The following SYN3 variants were observed in gnomAD, a reference collection of about 807,000 sequenced individuals.
SYN3 encodes synapsin-3.
A neutral mutation model predicts 65.8 loss-of-function variants in SYN3; 35 were observed. The observed-to-expected ratio is 0.53, with a 90% confidence interval of 0.41 to 0.70. The LOEUF (loss-of-function observed/expected upper bound fraction) is 0.70. Ranked by LOEUF, SYN3 falls within the 30% of genes least tolerant of loss-of-function variation. The probability of loss-of-function intolerance (pLI) is 0.00; values close to 1 mark genes in which losing one functional copy is unlikely to be tolerated. For synonymous variants in SYN3, 270 were observed against 292.9 expected (o/e 0.92, Z 0.80); for missense variants, 680 against 749.0 (o/e 0.91, Z 1.08).
chr22:33,048,952 GACA>G (rs1230177110), intron 1 of SYN3, among the ~76,000 whole-genome samples: 1 of 152,188 alleles, frequency 6.6e-6, no homozygotes, highest in Non-Finnish European at 1.5e-5. Flanking sequence ...TGAAGATGCA[GACA>G]ACTTCTTTTT....
intron 2 of SYN3, among the ~76,000 whole-genome samples, chr22:32,997,619 AC>A (rs1250063379): frequency 6.6e-6 from 1 of 152,220 alleles, no homozygotes; most frequent in East Asian, 1.9e-4. Flanking sequence ...GGATGGGGGA[AC>A]AAAAAGCCCT....
At chr22:32,562,947 G>C (rs1448137875) in intron 7 of SYN3, among the ~76,000 whole-genome samples, 1 of 152,234 alleles carries the variant, frequency 6.6e-6, no homozygotes, top group Non-Finnish European at 1.5e-5. Context: ...GCTGGGAAGA[G>C]ACCTCACTGG....
At chr22:32,680,820 C>T (rs2060512463) in intron 6 of SYN3, among the ~76,000 whole-genome samples, 1 of 152,210 alleles carries the variant, frequency 6.6e-6, no homozygotes, top group Non-Finnish European at 1.5e-5. Flanking sequence ...AGTTTTTCCT[C>T]TCTCTTGAGG....
At chr22:32,734,912 T>C (rs9621546) in intron 6 of SYN3, among the ~76,000 whole-genome samples, 5,332 of 152,316 alleles carry the variant, frequency 0.035, 177 homozygotes, top group African/African-American at 0.079. Flanking sequence ...ATCCATTCTA[T>C]TCTCCTTCTA....
At chr22:32,580,847 T>C (rs569294034) in intron 7 of SYN3, among the ~76,000 whole-genome samples, 57 of 152,314 alleles carry the variant, frequency 3.7e-4, no homozygotes, top group Non-Finnish European at 6.9e-4. Flanking sequence ...AAAACTTTGA[T>C]GACCCTTGCC....
chr22:32,922,409 C>G (rs2050358114), intron 4 of SYN3, among the ~76,000 whole-genome samples: 1 of 152,152 alleles, frequency 6.6e-6, no homozygotes, highest in Admixed American at 6.5e-5. Flanking sequence ...TGAGTTAATT[C>G]ATGTTAAGTG....
At chr22:32,943,355 A>G (rs1355313457) in intron 3 of SYN3, among the ~76,000 whole-genome samples, 1 of 152,208 alleles carries the variant, frequency 6.6e-6, no homozygotes, top group Non-Finnish European at 1.5e-5. Flanking sequence ...TAAGCTTCAT[A>G]AGTGAAGGAG....
At chr22:32,859,094 C>G in intron 6 of SYN3, 2 of 1,390,416 alleles carry the variant, frequency 1.4e-6, no homozygotes, top group Non-Finnish European at 2.0e-6. Context: ...TGCAGTGGCC[C>G]CAGGGTCTGA....
chr22:32,542,508 G>A (rs1218463180), intron 7 of SYN3, among the ~76,000 whole-genome samples: 1 of 151,528 alleles, frequency 6.6e-6, no homozygotes, highest in African/African-American at 2.4e-5. Flanking sequence ...TTGTACATGT[G>A]GTGTGTAGTA....
At chr22:32,765,506 A>C (rs1297627250) in intron 6 of SYN3, among the ~76,000 whole-genome samples, 1 of 152,180 alleles carries the variant, frequency 6.6e-6, no homozygotes, top group Non-Finnish European at 1.5e-5. Context: ...GAAAAACAGG[A>C]AAGTGGAGGA....
chr22:32,569,590 A>AT (rs1569048509), intron 7 of SYN3, among the ~76,000 whole-genome samples: 3 of 92,530 alleles, frequency 3.2e-5, no homozygotes, highest in African/African-American at 9.9e-5. Flanking sequence ...TATATATATA[A>AT]AATCTATCTA....
intron 4 of SYN3, among the ~76,000 whole-genome samples, chr22:32,870,438 A>G (rs552030745): frequency 9.9e-4 from 151 of 152,356 alleles, no homozygotes; most frequent in African/African-American, 3.6e-3. Flanking sequence ...ACTGAATGAT[A>G]TATCATAATT....
chr22:32,905,114 ACT>A (rs2146545887), intron 4 of SYN3, among the ~76,000 whole-genome samples: 1 of 152,192 alleles, frequency 6.6e-6, no homozygotes, highest in South Asian at 2.1e-4. Context: ...AATTTGCTAT[ACT>A]CTCACAAAAA....
intron 6 of SYN3, among the ~76,000 whole-genome samples, chr22:32,697,209 A>AGTTCC (rs939326583): frequency 1.3e-5 from 2 of 152,208 alleles, no homozygotes; most frequent in African/African-American, 4.8e-5. Context: ...TACAGTGGCA[A>AGTTCC]GTTACTTTTC....
intron 1 of SYN3, among the ~76,000 whole-genome samples, chr22:33,018,515 T>C (rs2053508061): frequency 6.6e-6 from 1 of 152,192 alleles, no homozygotes; most frequent in Non-Finnish European, 1.5e-5. Flanking sequence ...TCTTGGAGGC[T>C]GTGGCATGAA....
chr22:32,610,251 A>G (rs1189246371), intron 6 of SYN3, among the ~76,000 whole-genome samples: 1 of 152,174 alleles, frequency 6.6e-6, no homozygotes, highest in Non-Finnish European at 1.5e-5. Context: ...GCTGCACTCC[A>G]GCCTGGGCAA....
At chr22:32,883,460 C>T (rs12169637) in intron 4 of SYN3, among the ~76,000 whole-genome samples, 26,823 of 152,170 alleles carry the variant, frequency 0.18, 2,902 homozygotes, top group East Asian at 0.51. Context: ...TGGCAGCTGT[C>T]AGATCAACCC....
intron 3 of SYN3, among the ~76,000 whole-genome samples, chr22:32,961,773 T>C (rs557453773): frequency 1.3e-5 from 2 of 152,366 alleles, no homozygotes; most frequent in South Asian, 4.1e-4. Flanking sequence ...ATTTCCCAGT[T>C]CCTCCTTTTA....
chr22:32,911,025 G>T (rs5994642), intron 4 of SYN3, among the ~76,000 whole-genome samples: 202 of 152,302 alleles, frequency 1.3e-3, no homozygotes, highest in African/African-American at 4.6e-3. Context: ...TGCCTAAACT[G>T]CTTTGCTCTT....
Sources: allele counts gnomAD v4.1 joint callset (sites outside exome capture counted in the v4.1 genomes callset), GRCh38; gene constraint gnomAD v4.1.1; transcripts MANE v1.5; gene names NCBI Gene and HGNC (gene_info 2026-07-23, HGNC 2026-07-21).